The following GUCY1A2 variants were observed in gnomAD, a reference collection of about 807,000 sequenced individuals.
GUCY1A2 encodes the protein guanylate cyclase 1 soluble subunit alpha 2.
In GUCY1A2, 27 loss-of-function variants were observed where a neutral mutation model predicts 63.5. The observed-to-expected ratio is 0.43, with a 90% CI of 0.31 to 0.59. GUCY1A2 has a LOEUF of 0.59. Ranked by LOEUF, GUCY1A2 falls within the 20% of genes least tolerant of loss-of-function variation. The pLI is 0.11. For synonymous variants in GUCY1A2, 364 were observed against 343.5 expected (o/e 1.06, Z -0.66); for missense variants, 768 against 913.3 (o/e 0.84, Z 2.05).
At chr11:106,901,308 G>A (rs1018759640) in intron 4 of GUCY1A2, among the ~76,000 whole-genome samples, 3 of 152,118 alleles carry the variant, frequency 2.0e-5, no homozygotes, top group Non-Finnish European at 2.9e-5. Flanking sequence ...TAGTCTTCCT[G>A]CTATTTTCAC....
chr11:106,922,355 C>G (rs113850856), intron 4 of GUCY1A2, among the ~76,000 whole-genome samples: 35 of 151,942 alleles, frequency 2.3e-4, no homozygotes, highest in African/African-American at 8.4e-4. Context: ...TACCTTATGC[C>G]AGGCACTGTA....
At chr11:106,834,802 C>T (rs186706234) in intron 4 of GUCY1A2, among the ~76,000 whole-genome samples, 232 of 152,086 alleles carry the variant, frequency 1.5e-3, no homozygotes, top group Non-Finnish European at 2.4e-3. Context: ...CCAGTCTCTG[C>T]ACTGTGGTTT....
In GUCY1A2 at chr11:106,737,159, A is replaced by T. The variant is rs1190892573; in HGVS notation, c.1837-28493T>A. On this transcript the variant is annotated intron_variant, in intron 6 of 7. Transcript: ENST00000526355. ...TAAAACAAGTACAAAAAAAGAACAA[A>T]AATTTATCAGTTTTATCACTCAGTA... Among the ~76,000 whole-genome samples, 4 of 152,186 alleles carry T rather than the reference A, an allele frequency of 2.6e-5. No individual in the cohort carries two copies. In the South Asian group the frequency reaches 8.3e-4, roughly 31 times the overall value.
At chr11:107,015,743 G>A (rs76738945) in intron 1 of GUCY1A2, among the ~76,000 whole-genome samples, 9,319 of 151,998 alleles carry the variant, frequency 0.061, 859 homozygotes, top group African/African-American at 0.21. Context: ...ACAGACGCTC[G>A]GGGTCATTGG....
chr11:106,833,711 TAATC>T (rs1474131982), intron 4 of GUCY1A2, among the ~76,000 whole-genome samples: 1 of 152,060 alleles, frequency 6.6e-6, no homozygotes, highest in East Asian at 1.9e-4. Flanking sequence ...TATATGAACT[TAATC>T]AACCGTAAGT....
intron 4 of GUCY1A2, among the ~76,000 whole-genome samples, chr11:106,894,159 A>T (rs1434718538): frequency 6.6e-6 from 1 of 152,212 alleles, no homozygotes; most frequent in African/African-American, 2.4e-5. Flanking sequence ...GAAGAGAAAT[A>T]CCCAACAGGT....
chr11:106,746,501 G>T (rs745943787), intron 6 of GUCY1A2: 3 of 916,782 alleles, frequency 3.3e-6, no homozygotes, highest in South Asian at 1.4e-5. Context: ...TAACCAATAT[G>T]CATAGCTGTA....
chr11:106,910,693 T>C (rs894297779), intron 4 of GUCY1A2, among the ~76,000 whole-genome samples: 2 of 152,082 alleles, frequency 1.3e-5, no homozygotes, highest in African/African-American at 4.8e-5. Flanking sequence ...CTTTGTATCT[T>C]CTTACATTGG....
chr11:106,987,174 TG>T (rs1861412665), intron 1 of GUCY1A2, among the ~76,000 whole-genome samples: 1 of 152,192 alleles, frequency 6.6e-6, no homozygotes, highest in Admixed American at 6.5e-5. Context: ...GATGAATTCT[TG>T]GGGAATACGA....
At chr11:106,694,475 T>C (rs1042701811) in intron 7 of GUCY1A2, among the ~76,000 whole-genome samples, 1 of 152,210 alleles carries the variant, frequency 6.6e-6, no homozygotes, top group Non-Finnish European at 1.5e-5. Flanking sequence ...TAAAATAAGA[T>C]TGACCTGACA....
At chr11:106,746,245 A>T (rs1447254418) in intron 6 of GUCY1A2, among the ~76,000 whole-genome samples, 2 of 152,078 alleles carry the variant, frequency 1.3e-5, no homozygotes, top group Non-Finnish European at 2.9e-5. Context: ...TGGTTCTGCC[A>T]TATATTACCA....
At position 107,000,818 on chromosome 11, in the gene GUCY1A2, A is replaced by G. The variant is rs193225585; in HGVS notation, c.304-14687T>C. 3.8e-4 allele frequency among the ~76,000 whole-genome samples: 58 copies of G among 152,342 alleles called. 1 individual carries two copies. Among genetic ancestry groups the G allele is most frequent in the African/African-American group, 1.3e-3 (54 of 41,584 alleles). ...AACTCCTTAAGCCAAAAAGCAAATA[A>G]TTGGTAAGACAACATTTAAAATCAA... On this transcript the variant is annotated intron_variant, in intron 1 of 7. Coordinates refer to ENST00000526355, the MANE Select transcript of GUCY1A2 (RefSeq NM_000855.3).
intron 4 of GUCY1A2, among the ~76,000 whole-genome samples, chr11:106,882,660 G>A (rs569329640): frequency 6.6e-6 from 1 of 151,990 alleles, no homozygotes; most frequent in African/African-American, 2.4e-5. Context: ...CATGACTGTT[G>A]ACCCTCATTT....
At chr11:106,875,991 C>A (rs150325582) in intron 4 of GUCY1A2, among the ~76,000 whole-genome samples, 28 of 151,944 alleles carry the variant, frequency 1.8e-4, no homozygotes, top group African/African-American at 5.8e-4. Context: ...AAGGTGAATC[C>A]TTTTTATTCA....
chr11:106,738,836 G>C (rs1863637246), intron 6 of GUCY1A2, among the ~76,000 whole-genome samples: 1 of 152,090 alleles, frequency 6.6e-6, no homozygotes, highest in Admixed American at 6.6e-5. Context: ...GATGCCTCCA[G>C]CTTAGTTCTT....
chr11:106,952,339 T>C (rs891238500), intron 3 of GUCY1A2, among the ~76,000 whole-genome samples: 4 of 152,262 alleles, frequency 2.6e-5, no homozygotes, highest in Non-Finnish European at 5.9e-5. Context: ...AGTATGGCTA[T>C]TTTCACGATA....
intron 4 of GUCY1A2, among the ~76,000 whole-genome samples, chr11:106,930,494 C>G (rs1860586241): frequency 6.6e-6 from 1 of 152,114 alleles, no homozygotes; most frequent in Admixed American, 6.6e-5. Flanking sequence ...TTTTTCTGTG[C>G]TTGCTCAAGG....
At chr11:106,776,383 GCCT>G (rs1864357096) in intron 6 of GUCY1A2, 53 bp downstream of exon 6, 6 of 1,369,938 alleles carry the variant, frequency 4.4e-6, no homozygotes, top group Non-Finnish European at 5.2e-6. Flanking sequence ...GGAATTATTT[GCCT>G]CCTCCAGTTA....
chr11:106,714,033 A>AAAAC (rs199947785), intron 6 of GUCY1A2, among the ~76,000 whole-genome samples: 2,137 of 151,814 alleles, frequency 0.014, 53 homozygotes, highest in African/African-American at 0.049. Flanking sequence ...TTAAAAAAAA[A>AAAAC]AAACAAACTC....
Sources: gnomAD v4.1 joint callset for allele counts (sites outside exome capture counted in the v4.1 genomes callset) on GRCh38, gnomAD v4.1.1 for gene constraint, MANE v1.5 for transcripts, NCBI Gene and HGNC (gene_info 2026-07-23, HGNC 2026-07-21) for gene names.